Variants in ITPRID2 observed in about 807,000 individuals in gnomAD.
ITPRID2 encodes the protein protein ITPRID2.
In ITPRID2, 60 loss-of-function variants were observed where a neutral mutation model predicts 124.3. That is an observed-to-expected ratio of 0.48 (90% CI 0.39 to 0.60). The LOEUF is 0.60. ITPRID2 is among the 20% of genes least tolerant of loss of function. The probability of loss-of-function intolerance (pLI) is 0.00; values close to 1 mark genes in which losing one functional copy is unlikely to be tolerated. For synonymous variants in ITPRID2, 521 were observed against 542.9 expected, an observed-to-expected ratio of 0.96 and a Z score of 0.56; for missense variants, 1,553 against 1,512.2, an observed-to-expected ratio of 1.03 and a Z score of -0.45.
At chr2:181,918,383 C>T in intron 11 of ITPRID2, 2 of 1,319,292 alleles carry the variant, frequency 1.5e-6, no homozygotes, top group African/African-American at 3.0e-5. Context: ...GCCTCCTCCT[C>T]CCACGTAGAT....
intron 8 of ITPRID2, among the ~76,000 whole-genome samples, chr2:181,903,223 G>T (rs1246801313): frequency 6.6e-6 from 1 of 152,206 alleles, no homozygotes; most frequent in African/African-American, 2.4e-5. Context: ...CATCTACCCT[G>T]TGCTGGGCAC....
intron 2 of ITPRID2, chr2:181,893,905 A>T (rs1256654647): frequency 6.6e-6 from 1 of 152,192 alleles, no homozygotes; most frequent in Non-Finnish European, 1.5e-5. Context: ...GTACATGTTC[A>T]AGACCTTTTG....
chr2:181,894,901 A>G (rs1256540638), intron 2 of ITPRID2, among the ~76,000 whole-genome samples: 1 of 152,136 alleles, frequency 6.6e-6, no homozygotes, highest in Non-Finnish European at 1.5e-5. Flanking sequence ...ACATCTGTGG[A>G]CAGAGTAATA....
intron 14 of ITPRID2, among the ~76,000 whole-genome samples, chr2:181,920,178 G>T (rs772564983): frequency 1.3e-5 from 2 of 152,090 alleles, no homozygotes; most frequent in Non-Finnish European, 2.9e-5. Flanking sequence ...AGAAATGGAT[G>T]AATATACACA....
chr2:181,910,094 G>T lies in ITPRID2; in HGVS notation c.1486+123G>T. 1.6e-6 allele frequency: 1 copy of T among 628,578 alleles called. No individual in the cohort carries two copies. The allele number at this position is 628,578 out of a possible 1,614,324, so 38.9% of individuals were successfully genotyped here. On this transcript the variant is annotated intron_variant, in intron 9 of 17. Coordinates refer to ENST00000431877, the MANE Select transcript of ITPRID2 (RefSeq NM_001130445.3). The surrounding 1 kb of genome is among the most constrained non-coding windows in gnomAD (Gnocchi z 4.1). ...TGTGAAAAGGCAAAGAACACACACA[G>T]GTAGGCATGATTCACTATTGTTTGT...
In ITPRID2 at chr2:181,916,274, T is replaced by C; in HGVS notation, c.2634T>C (p.Cys878=). The C allele has an allele frequency of 6.2e-7, 1 of 1,614,232 alleles. No homozygotes were observed. Among genetic ancestry groups the C allele is most frequent in the Non-Finnish European group, 8.5e-7 (1 of 1,180,046 alleles). Residue 878 remains cysteine, a synonymous_variant, in exon 11 of 18, where the codon TGT becomes TGC. Coordinates refer to ENST00000431877, the MANE Select transcript of ITPRID2 (RefSeq NM_001130445.3). ...TTCCCAACATATCAGGGGCTACTTG[T>C]AGTGCCTTCGCTTCCCCTTTCGGGT... The part of the protein sequence containing the change: ...HSVPNISGAT[C]SAFASPFGCP...
intron 8 of ITPRID2, among the ~76,000 whole-genome samples, chr2:181,909,636 GTGCACGTCTGA>G (rs1693442904): frequency 6.6e-6 from 1 of 152,126 alleles, no homozygotes; most frequent in Non-Finnish European, 1.5e-5. Context: ...ATGGAAGCTA[GTGCACGTCTGA>G]TGCACTAATT....
At position 181,928,237 on chromosome 2, in the gene ITPRID2, C is replaced by A; in HGVS notation, c.3752C>A (p.Ala1251Glu). 6.5e-7 allele frequency: 1 copy of A among 1,546,366 alleles called. No homozygotes were observed. The highest frequency in any genetic ancestry group is 2.5e-5 in the East Asian group (1 of 40,788). ...TTGGCAGCAGTATCTTCAAGTAAAGCGTCTAATTCTAAGCAAGATTATCAT... is the reference window on the plus strand; with the variant it reads ...TTGGCAGCAGTATCTTCAAGTAAAGAGTCTAATTCTAAGCAAGATTATCAT... Reference protein sequence around the residue: ...GLLAAVSSSKASNSKQDYH With the variant: ...GLLAAVSSSKESNSKQDYH The change falls in exon 17 of 18, where the codon GCG becomes GAG. Residue 1251 changes from alanine to glutamate, a missense_variant. Ala to Glu is a moderately radical substitution (Grantham distance 107). Transcript: ENST00000431877.
chr2:181,915,492 A>G lies in ITPRID2; in HGVS notation c.1852A>G (p.Ile618Val), dbSNP rs565192723. Residue 618 changes from isoleucine to valine, a missense_variant, in exon 11 of 18, where the codon ATC becomes GTC. Physicochemically the swap from Ile to Val is conservative, Grantham distance 29. Transcript: ENST00000431877. Reference sequence around the variant, plus strand: ...GTCCACCTGTAGTCCAGGGGATCATATCATTGAAATTACTGAAGTGGAAGA... The same window carrying G: ...GTCCACCTGTAGTCCAGGGGATCATGTCATTGAAATTACTGAAGTGGAAGA... ...KQSTCSPGDH[I>V]IEITEVEEDL... 9 of 1,614,234 alleles carry G rather than the reference A, an allele frequency of 5.6e-6. No homozygotes were observed. In the South Asian group the frequency reaches 7.7e-5, roughly 14 times the overall value.
rs373218785 is a variant in ITPRID2, at chr2:181,896,068, G to A, written c.296G>A (p.Ser99Asn). 6.2e-6 allele frequency: 10 copies of A among 1,612,688 alleles called. No homozygotes were observed. Among genetic ancestry groups the A allele is most frequent in the Middle Eastern group, 1.6e-4 (1 of 6,080 alleles). ...LGASLDEQSSSTLKGVLVRNG... is the reference protein window; with the variant it reads ...LGASLDEQSSNTLKGVLVRNG... The stretch of plus-strand genomic sequence containing the variant: ...GCCTCACTGGATGAACAAAGCAGTA[G>A]TACACTCAAGGGTAAGAGAAGGTTG... The change falls in exon 3 of 18, where the codon AGT (serine) becomes AAT (asparagine). Residue 99 changes from serine to asparagine, a missense_variant. By Grantham distance (46) the Ser-to-Asn change is conservative. Coordinates refer to ENST00000431877, the MANE Select transcript of ITPRID2 (RefSeq NM_001130445.3). This position sits in a 1 kb window ranked among gnomAD's most constrained non-coding sequence, Gnocchi z 4.3.
Position 181,892,076 on chromosome 2 carries a change from C to T in ITPRID2, c.10C>T (p.Pro4Ser). The change falls in exon 1 of 18, where the codon CCC (proline) becomes TCC (serine). Residue 4 changes from proline to serine, a missense_variant. By Grantham distance (74) the Pro-to-Ser change is moderately conservative. Coordinates refer to ENST00000431877, the MANE Select transcript of ITPRID2 (RefSeq NM_001130445.3). This position sits in a 1 kb window ranked among gnomAD's most constrained non-coding sequence, Gnocchi z 5.2. MDRPLSSSAEAEEE... is the reference protein window; with the variant it reads MDRSLSSSAEAEEE... ...AGCCCCCAGTGCGGCCATGGACCGG[C>T]CCCTGTCGTCGTCGGCGGAGGCGGA... The T allele has an allele frequency of 1.3e-6, 2 of 1,551,940 alleles. No homozygotes were observed. Among genetic ancestry groups the T allele is most frequent in the Non-Finnish European group, 1.7e-6 (2 of 1,148,678 alleles).
chr2:181,913,702 TC>T, intron 9 of ITPRID2, 142 bp from the exon 10 acceptor site: 1 of 545,506 alleles, frequency 1.8e-6, no homozygotes, highest in Non-Finnish European at 3.1e-6. Flanking sequence ...TGCATATTTT[TC>T]TAAGAAGCAG....
At chr2:181,924,776 A>G (rs909908042) in intron 16 of ITPRID2, among the ~76,000 whole-genome samples, 8 of 152,358 alleles carry the variant, frequency 5.3e-5, no homozygotes, top group African/African-American at 1.9e-4. Context: ...TATTTAATAC[A>G]CTAATTACAT....
chr2:181,929,923 T>A lies in ITPRID2; in HGVS notation c.*376T>A, dbSNP rs1695161455. On this transcript the variant is annotated 3_prime_UTR_variant, in exon 18 of 18. Transcript: ENST00000431877. Reference sequence around the variant, plus strand: ...TAACATCTTAAAACACTGACCTCTATGAGGTATTTACTGTGCAATAACTGA... The same window carrying A: ...TAACATCTTAAAACACTGACCTCTAAGAGGTATTTACTGTGCAATAACTGA... 4.3e-6 allele frequency: 1 copy of A among 233,964 alleles called. No individual in the cohort carries two copies. Among genetic ancestry groups the A allele is most frequent in the Non-Finnish European group, 8.2e-6 (1 of 121,636 alleles). The allele number at this position is 233,964 out of a possible 1,614,324, so 14.5% of individuals were successfully genotyped here.
In ITPRID2 at chr2:181,902,542, G is replaced by A; in HGVS notation, c.1413+76G>A. ...AGTACCAAAAATGCTTATAAAATGA[G>A]AGGTAGCTAATAGATTTATACTAGA... On this transcript the variant is annotated intron_variant, in intron 8 of 17. Coordinates refer to ENST00000431877, the MANE Select transcript of ITPRID2 (RefSeq NM_001130445.3). This position sits in a 1 kb window ranked among gnomAD's most constrained non-coding sequence, Gnocchi z 4.4. The A allele has an allele frequency of 1.8e-6, 2 of 1,091,764 alleles. No homozygotes were observed. The highest frequency in any genetic ancestry group is 1.3e-6 in the Non-Finnish European group (1 of 770,878). 67.6% of individuals were successfully genotyped at this position (1,091,764 alleles called of 1,614,324 possible).
intron 10 of ITPRID2, 69 bp from the exon 11 acceptor site, chr2:181,915,147 G>C: frequency 6.6e-7 from 1 of 1,508,418 alleles, no homozygotes; most frequent in Non-Finnish European, 9.0e-7. Flanking sequence ...GCACCATGTT[G>C]GTTTGGTATT....
chr2:181,928,301 G>T, intron 17 of ITPRID2, 23 bp downstream of exon 17: 1 of 1,391,558 alleles, frequency 7.2e-7, no homozygotes, highest in Non-Finnish European at 9.9e-7. Flanking sequence ...GAGTTTCTTT[G>T]TTGAGCTAAA....
At chr2:181,926,541 G>A (rs1037640179) in intron 16 of ITPRID2, among the ~76,000 whole-genome samples, 2 of 151,824 alleles carry the variant, frequency 1.3e-5, no homozygotes, top group Non-Finnish European at 2.9e-5. Context: ...GTGAAACCCC[G>A]TCTCTACTAA....
At position 181,908,000 on chromosome 2, in the gene ITPRID2, T is replaced by C. The variant is rs1054181661; in HGVS notation, c.1414-1899T>C. 6.6e-6 allele frequency among the ~76,000 whole-genome samples: 1 copy of C among 152,228 alleles called. No homozygotes were observed. Among genetic ancestry groups the C allele is most frequent in the African/African-American group, 2.4e-5 (1 of 41,464 alleles). The stretch of plus-strand genomic sequence containing the variant: ...CTTGAAGAATAGAATGCTGATGATA[T>C]GTGTTTATTAAAGTCATGTTATTTT... On this transcript the variant is annotated intron_variant, in intron 8 of 17. Coordinates refer to ENST00000431877, the MANE Select transcript of ITPRID2 (RefSeq NM_001130445.3). This position sits in a 1 kb window ranked among gnomAD's most constrained non-coding sequence, Gnocchi z 5.1.
Sources: allele counts gnomAD v4.1 joint callset (sites outside exome capture counted in the v4.1 genomes callset), GRCh38; gene constraint gnomAD v4.1.1; non-coding constraint Gnocchi (gnomAD v3.1); transcripts MANE v1.5; gene names NCBI Gene and HGNC (gene_info 2026-07-23, HGNC 2026-07-21).